The following PDE10A variants were observed in gnomAD, a reference collection of about 807,000 sequenced individuals.
PDE10A encodes the protein cAMP and cAMP-inhibited cGMP 3',5'-cyclic phosphodiesterase 10A.
PDE10A carries 39 observed loss-of-function variants against 97.7 expected under a neutral mutation model. The observed-to-expected ratio is 0.40, with a 90% CI of 0.31 to 0.52. The LOEUF is 0.52. Ranked by LOEUF, PDE10A falls within the 20% of genes least tolerant of loss-of-function variation. The pLI, the probability that PDE10A is intolerant of heterozygous loss-of-function variation, is 0.56. For missense variants in PDE10A, 731 were observed against 1,047.8 expected (o/e 0.70, Z 4.17); for synonymous variants, 371 against 376.8 (o/e 0.98, Z 0.18).
At chr6:165,853,662 T>C (rs181249591) in intron 1 of PDE10A, among the ~76,000 whole-genome samples, 18 of 152,290 alleles carry the variant, frequency 1.2e-4, no homozygotes, top group Non-Finnish European at 2.2e-4. Context: ...ACTTCGCTAA[T>C]TTAACAGGTG....
intron 2 of PDE10A, among the ~76,000 whole-genome samples, chr6:165,523,590 C>A (rs1240124777): frequency 2.0e-5 from 3 of 152,092 alleles, no homozygotes; most frequent in Non-Finnish European, 1.5e-5. Flanking sequence ...ACCTAGACCC[C>A]AACCTATCAC....
chr6:165,954,173 T>C (rs1001071038), intron 1 of PDE10A, among the ~76,000 whole-genome samples: 3 of 152,236 alleles, frequency 2.0e-5, no homozygotes, highest in African/African-American at 7.2e-5. Context: ...TCCTGGTTGC[T>C]TTCAGTTTGG....
At chr6:165,617,239 T>C (rs938980710) in intron 1 of PDE10A, among the ~76,000 whole-genome samples, 3 of 152,208 alleles carry the variant, frequency 2.0e-5, no homozygotes, top group Non-Finnish European at 4.4e-5. Flanking sequence ...CAAGTGACCC[T>C]TGCAAAGGCC....
chr6:165,973,429 A>T (rs1218569179), intron 1 of PDE10A, among the ~76,000 whole-genome samples: 29 of 47,158 alleles, frequency 6.1e-4, no homozygotes, highest in African/African-American at 1.8e-3. Context: ...AAAAAAAAAT[A>T]AAATAAAAAA....
chr6:165,649,075 G>A (rs1366362257), intron 1 of PDE10A, among the ~76,000 whole-genome samples: 1 of 152,198 alleles, frequency 6.6e-6, no homozygotes, highest in African/African-American at 2.4e-5. Context: ...CACACTGACA[G>A]GCCCGTACCT....
chr6:165,615,223 AGAAAG>A (rs1391257895), intron 1 of PDE10A, among the ~76,000 whole-genome samples: 1 of 144,420 alleles, frequency 6.9e-6, no homozygotes, highest in Non-Finnish European at 1.5e-5. Flanking sequence ...AAAAAAAAAA[AGAAAG>A]AAAGAAAGAA....
intron 1 of PDE10A, among the ~76,000 whole-genome samples, chr6:165,693,395 G>T (rs974252273): frequency 2.0e-5 from 3 of 151,886 alleles, no homozygotes; most frequent in Non-Finnish European, 4.4e-5. Context: ...GCTGGGCGTG[G>T]TGGTGGATGC....
At chr6:165,564,721 C>G (rs1483923161) in intron 1 of PDE10A, among the ~76,000 whole-genome samples, 6 of 152,158 alleles carry the variant, frequency 3.9e-5, no homozygotes, top group Admixed American at 2.0e-4. Context: ...AAGTAACTGA[C>G]TTGGAGCTTG....
chr6:165,807,318 C>G (rs1053479880), intron 1 of PDE10A, among the ~76,000 whole-genome samples: 2 of 151,696 alleles, frequency 1.3e-5, no homozygotes, highest in African/African-American at 4.9e-5. Flanking sequence ...CTGTTGGGAT[C>G]TTCACTACAG....
intron 1 of PDE10A, among the ~76,000 whole-genome samples, chr6:165,675,420 A>C (rs1219107812): frequency 6.6e-6 from 1 of 152,210 alleles, no homozygotes; most frequent in Non-Finnish European, 1.5e-5. Context: ...ATTTTTCTCT[A>C]AGTATATTCT....
chr6:165,523,818 C>G (rs1219813397), intron 2 of PDE10A, among the ~76,000 whole-genome samples: 1 of 152,090 alleles, frequency 6.6e-6, no homozygotes, highest in South Asian at 2.1e-4. Context: ...AACAAACAGA[C>G]CATTGTGACG....
Position 165,881,565 on chromosome 6 carries a change from A to ATTTTT in PDE10A, c.-615+105959_-615+105963dup, listed in dbSNP as rs3049923. On this transcript the variant is annotated intron_variant, in intron 1 of 19. Transcript: ENST00000366882. Reference sequence around the variant, plus strand: ...AGGTGCGCACCACCATGCCCAGCTAATTTTTTTTTTTTTTGTATTTTTAGA... The same window carrying ATTTTT: ...AGGTGCGCACCACCATGCCCAGCTAATTTTTTTTTTTTTTTTTTTGTATTTTTAGA... Among the ~76,000 whole-genome samples, 361 of 134,410 alleles carry ATTTTT rather than the reference A, an allele frequency of 2.7e-3. 3 individuals are homozygous for ATTTTT. Among genetic ancestry groups the ATTTTT allele is most frequent in the Middle Eastern group, 7.8e-3 (2 of 258 alleles). 88.2% of individuals were successfully genotyped at this position (134,410 alleles called of 152,430 possible).
intron 1 of PDE10A, among the ~76,000 whole-genome samples, chr6:165,890,041 T>A (rs1268412969): frequency 1.2e-4 from 13 of 111,964 alleles, no homozygotes; most frequent in Non-Finnish European, 2.2e-4. Context: ...CCCTCACTCC[T>A]CCCTCACTCT....
intron 1 of PDE10A, among the ~76,000 whole-genome samples, chr6:165,639,793 T>C (rs1189254723): frequency 2.1e-5 from 3 of 141,696 alleles, no homozygotes; most frequent in Non-Finnish European, 4.6e-5. Flanking sequence ...TATGGCCAGG[T>C]GGAGTGGCTC....
chr6:165,634,123 G>T (rs1398451971), intron 1 of PDE10A, among the ~76,000 whole-genome samples: 1 of 152,146 alleles, frequency 6.6e-6, no homozygotes, highest in African/African-American at 2.4e-5. Context: ...CAGTGCGTCT[G>T]GGGTAGGGCC....
At chr6:165,373,130 A>T (rs1467690757) in intron 18 of PDE10A, among the ~76,000 whole-genome samples, 1 of 151,300 alleles carries the variant, frequency 6.6e-6, no homozygotes, top group Non-Finnish European at 1.5e-5. Context: ...AAAACCCTAG[A>T]AGAAAACCTA....
intron 1 of PDE10A, among the ~76,000 whole-genome samples, chr6:165,860,280 C>A (rs974830278): frequency 6.6e-6 from 1 of 152,116 alleles, no homozygotes. Context: ...ATGGAGAAAC[C>A]CCATCTCTAC....
At position 165,772,449 on chromosome 6, in the gene PDE10A, G is replaced by C. The variant is rs369559512; in HGVS notation, c.-615+215080C>G. On this transcript the variant is annotated intron_variant, in intron 1 of 19. Transcript: ENST00000366882. ...GCCTGTTGTAGACATCGCCTCCAAT[G>C]TTCTCCATGCGGCGTCCTAGGGCCT... 6.6e-5 allele frequency among the ~76,000 whole-genome samples: 10 copies of C among 152,248 alleles called. No homozygotes were observed. The East Asian group carries it at 1.4e-3, about 21-fold the overall frequency.
intron 1 of PDE10A, among the ~76,000 whole-genome samples, chr6:165,897,320 G>A (rs1194467658): frequency 3.3e-5 from 5 of 152,012 alleles, no homozygotes; most frequent in African/African-American, 7.2e-5. Context: ...AAAGACTTGA[G>A]GCTGGATGAA....
Sources: allele counts gnomAD v4.1 joint callset (sites outside exome capture counted in the v4.1 genomes callset), GRCh38; gene constraint gnomAD v4.1.1; transcripts MANE v1.5; gene names NCBI Gene and HGNC (gene_info 2026-07-23, HGNC 2026-07-21).